Variants in PDE3A observed in about 807,000 individuals in gnomAD.
PDE3A encodes cGMP-inhibited 3',5'-cyclic phosphodiesterase 3A.
In PDE3A, 43 loss-of-function variants were observed where a neutral mutation model predicts 98.3. The ratio of observed to expected loss-of-function variants is 0.44; its 90% CI spans 0.34 to 0.56. PDE3A has a LOEUF of 0.56. PDE3A is among the 20% of genes least tolerant of loss of function. PDE3A has a pLI of 0.01. For missense variants in PDE3A, 1,427 were observed against 1,440.7 expected (o/e 0.99, Z 0.15); for synonymous variants, 663 against 567.9 (o/e 1.17, Z -2.38).
chr12:20,542,711 G>T (rs560952606), intron 1 of PDE3A, among the ~76,000 whole-genome samples: 2 of 151,948 alleles, frequency 1.3e-5, no homozygotes, highest in South Asian at 2.1e-4. Flanking sequence ...TGCAGCTGAG[G>T]CTATGTCTGG....
intron 1 of PDE3A, among the ~76,000 whole-genome samples, chr12:20,522,874 G>T (rs1389791886): frequency 2.0e-5 from 3 of 152,088 alleles, no homozygotes; most frequent in African/African-American, 7.2e-5. Context: ...TGTTTCAAAA[G>T]CTCATTAGCC....
intron 15 of PDE3A, among the ~76,000 whole-genome samples, chr12:20,676,305 T>C (rs1945637577): frequency 6.6e-6 from 1 of 152,152 alleles, no homozygotes; most frequent in African/African-American, 2.4e-5. Flanking sequence ...AGAAAAGACT[T>C]TATTTTTCCT....
At chr12:20,473,723 C>T (rs1373191564) in intron 1 of PDE3A, among the ~76,000 whole-genome samples, 8 of 151,834 alleles carry the variant, frequency 5.3e-5, no homozygotes, top group Non-Finnish European at 1.0e-4. Context: ...TATTTTTGAA[C>T]GCGTTAGAAT....
rs571893908 is a variant in PDE3A at position 20,424,243 on chromosome 12, T to C, written c.960+53999T>C. Among the ~76,000 whole-genome samples, 17 of 152,252 alleles carry C rather than the reference T, an allele frequency of 1.1e-4. No individual in the cohort carries two copies. In the East Asian group the frequency reaches 3.3e-3, roughly 29 times the overall value. On this transcript the variant is annotated intron_variant, in intron 1 of 15. Coordinates refer to ENST00000359062, the MANE Select transcript of PDE3A (RefSeq NM_000921.5). The stretch of plus-strand genomic sequence containing the variant: ...AAATAAGTTAGTCAATTTTGAGTTG[T>C]GAGTTGAAAAGGAAAAAGTAGTGAT...
In PDE3A at chr12:20,613,837, GA is replaced by G. The variant is rs568473601; in HGVS notation, c.1269+139del. 1.3e-4 allele frequency: 82 copies of G among 627,842 alleles called. No individual in the cohort carries two copies. The South Asian group carries it at 1.5e-3, about 12-fold the overall frequency. The allele number at this position is 627,842 out of a possible 1,614,324, so 38.9% of individuals were successfully genotyped here. ...GCAAAATGTGTTGATCGTGGTGACAGAAGTAATAAATATTTAAACATAAAGA... is the reference window on the plus strand; with the variant it reads ...GCAAAATGTGTTGATCGTGGTGACAGAGTAATAAATATTTAAACATAAAGA... On this transcript the variant is annotated intron_variant, in intron 3 of 15. Transcript: ENST00000359062.
intron 1 of PDE3A, among the ~76,000 whole-genome samples, chr12:20,474,671 C>A (rs1591969441): frequency 6.6e-6 from 1 of 152,148 alleles, no homozygotes; most frequent in African/African-American, 2.4e-5. Flanking sequence ...TGGCTCCTGG[C>A]CTCTTCCTCC....
chr12:20,511,137 C>T (rs1208428383), intron 1 of PDE3A, among the ~76,000 whole-genome samples: 1 of 151,756 alleles, frequency 6.6e-6, no homozygotes, highest in Non-Finnish European at 1.5e-5. Context: ...TTGATGGCAT[C>T]AAAATTTAAA....
At chr12:20,473,738 CTG>C (rs1264928814) in intron 1 of PDE3A, among the ~76,000 whole-genome samples, 1 of 151,846 alleles carries the variant, frequency 6.6e-6, no homozygotes, top group African/African-American at 2.4e-5. Context: ...TAGAATCATA[CTG>C]TGTTTCTTCT....
chr12:20,519,703 A>G (rs1272178379), intron 1 of PDE3A, among the ~76,000 whole-genome samples: 1 of 152,226 alleles, frequency 6.6e-6, no homozygotes, highest in Non-Finnish European at 1.5e-5. Context: ...TATGTGCAAG[A>G]TGTAGTTCCC....
At chr12:20,372,684 A>G (rs1432529897) in intron 1 of PDE3A, among the ~76,000 whole-genome samples, 1 of 152,158 alleles carries the variant, frequency 6.6e-6, no homozygotes, top group Non-Finnish European at 1.5e-5. Flanking sequence ...AAACATCAAA[A>G]TAATTATAAA....
chr12:20,631,239 A>C (rs1158633898), intron 6 of PDE3A, among the ~76,000 whole-genome samples: 1 of 152,166 alleles, frequency 6.6e-6, no homozygotes, highest in Non-Finnish European at 1.5e-5. Flanking sequence ...TTTCTGCAGG[A>C]TATTAATCTC....
rs578151381 is a variant in PDE3A, at chr12:20,465,021, G to A, written c.961-91639G>A. Among the ~76,000 whole-genome samples, 17 of 152,238 alleles carry A rather than the reference G, an allele frequency of 1.1e-4. 1 individual carries two copies. Among genetic ancestry groups the A allele is most frequent in the African/African-American group, 4.1e-4 (17 of 41,542 alleles). ...TGAAATTCTAAAAATGAAATTAGAA[G>A]TTTAGCCGTTGTGCATAACTCCTGT... On this transcript the variant is annotated intron_variant, in intron 1 of 15. Transcript: ENST00000359062.
In PDE3A at chr12:20,681,834, TTATA is replaced by T. The variant is rs1325256435; in HGVS notation, c.*1567_*1570del. ...ACTTTCAATATTTTATTTCATATTA[TTATA>T]TATGTCATGATAGTTATCTTGATGT... On this transcript the variant is annotated 3_prime_UTR_variant, in exon 16 of 16. Coordinates refer to ENST00000359062, the MANE Select transcript of PDE3A (RefSeq NM_000921.5). 1.3e-5 allele frequency: 2 copies of T among 152,140 alleles called. No homozygotes were observed. Among genetic ancestry groups the T allele is most frequent in the Non-Finnish European group, 2.9e-5 (2 of 68,040 alleles). 9.4% of individuals were successfully genotyped at this position (152,140 alleles called of 1,614,324 possible).
chr12:20,556,556 T>C, intron 1 of PDE3A, 104 bp from the exon 2 acceptor site: 1 of 749,544 alleles, frequency 1.3e-6, no homozygotes, highest in South Asian at 1.6e-5. Flanking sequence ...TTTAATATAT[T>C]ACTAATAAAG....
At chr12:20,579,366 G>T (rs1033467241) in intron 2 of PDE3A, among the ~76,000 whole-genome samples, 20 of 149,076 alleles carry the variant, frequency 1.3e-4, no homozygotes, top group African/African-American at 4.2e-4. Flanking sequence ...GAAAGCAGTT[G>T]CCTTTTCCGT....
intron 1 of PDE3A, among the ~76,000 whole-genome samples, chr12:20,488,128 T>C (rs1945763065): frequency 6.6e-6 from 1 of 152,142 alleles, no homozygotes; most frequent in East Asian, 1.9e-4. Flanking sequence ...CTCTTTACTC[T>C]TGGGGGGCAA....
intron 1 of PDE3A, among the ~76,000 whole-genome samples, chr12:20,555,887 C>T (rs1034034741): frequency 3.3e-5 from 5 of 152,146 alleles, no homozygotes; most frequent in Non-Finnish European, 5.9e-5. Context: ...AAGCTAATAA[C>T]GTACATAAAT....
rs148702742 is a variant in PDE3A, at chr12:20,409,831, T to G, written c.960+39587T>G. Reference sequence around the variant, plus strand: ...GCTATTCTTTTACAGATTAACTATTTGTTATTGCGCATTCAGCAAATTCCT... The same window carrying G: ...GCTATTCTTTTACAGATTAACTATTGGTTATTGCGCATTCAGCAAATTCCT... On this transcript the variant is annotated intron_variant, in intron 1 of 15. Transcript: ENST00000359062. Among the ~76,000 whole-genome samples, 207 of 152,332 alleles carry G rather than the reference T, an allele frequency of 1.4e-3. 1 individual carries two copies. The highest frequency in any genetic ancestry group is 4.6e-3 in the African/African-American group (193 of 41,586).
In PDE3A at chr12:20,646,515, T is replaced by C; in HGVS notation, c.2277T>C (p.Asp759=). Residue 759 remains aspartate, a synonymous_variant, in exon 11 of 16, where the codon GAT becomes GAC. Transcript: ENST00000359062. ...IPYHNRIHAT[D]VLHAVWYLTT... ...ATCATAACAGAATCCATGCCACTGA[T>C]GTTTTACATGCTGTTTGGTATCTTA... 5 of 1,600,584 alleles carry C rather than the reference T, an allele frequency of 3.1e-6. No homozygotes were observed. The highest frequency in any genetic ancestry group is 4.3e-6 in the Non-Finnish European group (5 of 1,167,696).
Sources: gnomAD v4.1 joint callset for allele counts (sites outside exome capture counted in the v4.1 genomes callset) on GRCh38, gnomAD v4.1.1 for gene constraint, MANE v1.5 for transcripts, NCBI Gene and HGNC (gene_info 2026-07-23, HGNC 2026-07-21) for gene names.